C4BPA: variants seen among roughly 807,000 people sequenced by gnomAD.
C4BPA encodes C4b-binding protein alpha chain.
A neutral mutation model predicts 63.7 loss-of-function variants in C4BPA; 31 were observed. That is an observed-to-expected ratio of 0.49 (90% CI 0.37 to 0.66). The LOEUF is 0.66. Ranked by LOEUF, C4BPA falls within the 30% of genes least tolerant of loss-of-function variation. The pLI, the probability that C4BPA is intolerant of heterozygous loss-of-function variation, is 0.00. For missense variants in C4BPA, 572 were observed against 723.3 expected, an observed-to-expected ratio of 0.79 and a Z score of 2.40; for synonymous variants, 259 against 254.7, an observed-to-expected ratio of 1.02 and a Z score of -0.16.
At chr1:207,128,500 A>G (rs894335283) in intron 7 of C4BPA, among the ~76,000 whole-genome samples, 7 of 152,152 alleles carry the variant, frequency 4.6e-5, no homozygotes, top group Non-Finnish European at 8.8e-5. Flanking sequence ...TGTGAAGCAT[A>G]TTATGCCCCA....
chr1:207,109,892 A>G (rs966965139), intron 1 of C4BPA, among the ~76,000 whole-genome samples: 7 of 152,248 alleles, frequency 4.6e-5, no homozygotes, highest in African/African-American at 1.7e-4. Flanking sequence ...TTGCTTTAAA[A>G]TCAGGTAAAA....
intron 1 of C4BPA, among the ~76,000 whole-genome samples, chr1:207,109,794 T>C (rs776478221): frequency 2.6e-4 from 40 of 152,230 alleles, no homozygotes; most frequent in Admixed American, 9.8e-4. Context: ...CCTTGACTAG[T>C]TGATGATATG....
Position 207,115,523 on chromosome 1 carries a change from T to G in C4BPA, c.428+8T>G, listed in dbSNP as rs760215017. The G allele has an allele frequency of 1.8e-5, 25 of 1,407,416 alleles. No homozygotes were observed. The highest frequency in any genetic ancestry group is 2.4e-5 in the East Asian group (1 of 41,200). 87.2% of individuals were successfully genotyped at this position (1,407,416 alleles called of 1,614,324 possible). A position where few individuals can be genotyped will look rare whatever the true frequency, so the allele number is the denominator to read the frequency against. On this transcript the variant is annotated splice_region_variant and intron_variant, in intron 4 of 11. Coordinates refer to ENST00000367070, the MANE Select transcript of C4BPA (RefSeq NM_000715.4). The stretch of plus-strand genomic sequence containing the variant: ...ATTCAGCTGTTCAGAAGGGTGAGTG[T>G]GAGGTAATCTATGAACAATTCTTTT...
intron 4 of C4BPA, among the ~76,000 whole-genome samples, chr1:207,118,153 GTCTGTCTGTCTGTCTA>G (rs1480588022): frequency 3.2e-5 from 3 of 94,708 alleles, no homozygotes; most frequent in Non-Finnish European, 7.9e-5. Flanking sequence ...CTGTCTGTCT[GTCTGTCTGTCTGTCTA>G]TCTATCTATA....
chr1:207,122,246 T>C (rs1684935464), intron 4 of C4BPA, among the ~76,000 whole-genome samples: 1 of 152,204 alleles, frequency 6.6e-6, no homozygotes, highest in African/African-American at 2.4e-5. Flanking sequence ...TTTGAGTTCT[T>C]GCAGGTTCAG....
At position 207,132,964 on chromosome 1, in the gene C4BPA, G is replaced by T. The variant is rs140087694; in HGVS notation, c.1084+1224G>T. Among the ~76,000 whole-genome samples, 928 of 152,326 alleles carry T rather than the reference G, an allele frequency of 6.1e-3. 13 individuals carry two copies. The highest frequency in any genetic ancestry group is 0.021 in the African/African-American group (863 of 41,572). ...AACTTGAGGCTAAGAGGCCAAAGCT[G>T]CAGTGAGCCGAGATCATGCCACTGC... On this transcript the variant is annotated intron_variant, in intron 8 of 11. Transcript: ENST00000367070.
intron 4 of C4BPA, among the ~76,000 whole-genome samples, chr1:207,116,516 ATGTGTGTGTGTG>A (rs57449727): frequency 0.038 from 3,049 of 80,010 alleles, 126 homozygotes; most frequent in African/African-American, 0.099. Context: ...GTGTGTGTAT[ATGTGTGTGTGTG>A]TGTGTGTGTG....
intron 9 of C4BPA, among the ~76,000 whole-genome samples, chr1:207,137,177 C>T (rs1449689597): frequency 6.6e-6 from 1 of 152,220 alleles, no homozygotes; most frequent in Non-Finnish European, 1.5e-5. Flanking sequence ...AATTTGATTT[C>T]TAGATCCAGC....
chr1:207,126,177 GA>G (rs1270562145), intron 6 of C4BPA, among the ~76,000 whole-genome samples: 1 of 151,506 alleles, frequency 6.6e-6, no homozygotes, highest in African/African-American at 2.4e-5. Context: ...TCATCTCGAA[GA>G]AGGACCAATG....
intron 1 of C4BPA, among the ~76,000 whole-genome samples, chr1:207,111,609 G>A (rs1302293689): frequency 6.6e-6 from 1 of 152,152 alleles, no homozygotes; most frequent in Admixed American, 6.5e-5. Flanking sequence ...TCTCCAAGAT[G>A]TTTCAGTCCC....
chr1:207,140,916 T>G (rs1685399654), intron 9 of C4BPA, among the ~76,000 whole-genome samples, 190 bp from the exon 10 acceptor site: 1 of 152,200 alleles, frequency 6.6e-6, no homozygotes, highest in African/African-American at 2.4e-5. Flanking sequence ...ATCTCGAGCC[T>G]TTCTATGGTT....
chr1:207,104,727 T>C (rs575190295), intron 1 of C4BPA, among the ~76,000 whole-genome samples: 2 of 152,306 alleles, frequency 1.3e-5, no homozygotes, highest in Admixed American at 1.3e-4. Context: ...AAAAGACAGA[T>C]GTGTTGGTTT....
At chr1:207,128,975 A>C (rs1374227904) in intron 7 of C4BPA, among the ~76,000 whole-genome samples, 1 of 152,212 alleles carries the variant, frequency 6.6e-6, no homozygotes, top group Middle Eastern at 3.2e-3. Context: ...ACTTAGCAGG[A>C]AAGTTCAAAG....
intron 2 of C4BPA, among the ~76,000 whole-genome samples, chr1:207,113,831 C>A (rs777366672): frequency 2.0e-5 from 3 of 152,004 alleles, no homozygotes; most frequent in Non-Finnish European, 4.4e-5. Context: ...GATAAATTAT[C>A]CCATATGTAG....
intron 4 of C4BPA, 23 bp from the exon 5 acceptor site, chr1:207,123,899 A>C (rs1451792591): frequency 6.2e-6 from 9 of 1,443,346 alleles, no homozygotes; most frequent in South Asian, 1.2e-5. Context: ...ATTCCATTAA[A>C]ATCTTTGATC....
intron 1 of C4BPA, among the ~76,000 whole-genome samples, chr1:207,108,125 A>AATT (rs926397784): frequency 4.5e-4 from 69 of 152,042 alleles, no homozygotes; most frequent in Admixed American, 9.8e-4. Flanking sequence ...TTTTAACTTA[A>AATT]ATTATTATTA....
rs757294011 is a variant in C4BPA, at chr1:207,114,290, G to A, written c.328+5G>A. The A allele has an allele frequency of 6.3e-7, 1 of 1,584,198 alleles. No homozygotes were observed. ...TGTATAACACCTTCTGTATCTGTAA[G>A]TATCAACATTTATTTTTTTCCTTTG... On this transcript the variant is annotated splice_donor_5th_base_variant and intron_variant, in intron 3 of 11. Transcript: ENST00000367070.
At chr1:207,106,609 T>G (rs578171593) in intron 1 of C4BPA, among the ~76,000 whole-genome samples, 16 of 150,872 alleles carry the variant, frequency 1.1e-4, no homozygotes, top group Non-Finnish European at 1.9e-4. Context: ...GCCCAGCTAA[T>G]TTTTTGTCTT....
At chr1:207,109,120 C>T (rs1684615930) in intron 1 of C4BPA, among the ~76,000 whole-genome samples, 1 of 152,122 alleles carries the variant, frequency 6.6e-6, no homozygotes, top group African/African-American at 2.4e-5. Context: ...CAGGACAGCC[C>T]CAGAGGCCCC....
Sources: allele counts gnomAD v4.1 joint callset (sites outside exome capture counted in the v4.1 genomes callset), GRCh38; gene constraint gnomAD v4.1.1; transcripts MANE v1.5; gene names NCBI Gene and HGNC (gene_info 2026-07-23, HGNC 2026-07-21).